The following RBFOX3 variants were observed in gnomAD, a reference collection of about 807,000 sequenced individuals.
RBFOX3 encodes the protein RNA binding protein fox-1 homolog 3.
Under a neutral mutation model 48.7 loss-of-function variants are expected in RBFOX3, and 17 were observed. That is an observed-to-expected ratio of 0.35 (90% confidence interval 0.24 to 0.52). The LOEUF (loss-of-function observed/expected upper bound fraction) is 0.52, where lower values mean the gene tolerates loss of function less well. Ranked by LOEUF, RBFOX3 falls within the 20% of genes least tolerant of loss-of-function variation. The probability of loss-of-function intolerance (pLI) is 0.94; values close to 1 mark genes in which losing one functional copy is unlikely to be tolerated. For missense variants in RBFOX3, 382 were observed against 497.5 expected (o/e 0.77, Z 2.21); for synonymous variants, 212 against 209.5 (o/e 1.01, Z -0.10).
chr17:79,348,314 A>T (rs1260628979), intron 2 of RBFOX3, among the ~76,000 whole-genome samples: 1 of 152,198 alleles, frequency 6.6e-6, no homozygotes, highest in Non-Finnish European at 1.5e-5. Flanking sequence ...GTCCCAAGGC[A>T]ATAGTGGCTG....
intron 2 of RBFOX3, among the ~76,000 whole-genome samples, chr17:79,435,436 C>A (rs1204651805): frequency 2.0e-5 from 3 of 152,266 alleles, no homozygotes; most frequent in Non-Finnish European, 4.4e-5. Context: ...TGTCCCCATG[C>A]AGGATCTGCC....
At position 79,220,855 on chromosome 17, in the gene RBFOX3, G is replaced by A. The variant is rs989816110; in HGVS notation, c.-34+14911C>T. 1.3e-5 allele frequency among the ~76,000 whole-genome samples: 2 copies of A among 152,032 alleles called. No homozygotes were observed. Among genetic ancestry groups the A allele is most frequent in the African/African-American group, 4.8e-5 (2 of 41,396 alleles). On this transcript the variant is annotated intron_variant, in intron 4 of 14. Coordinates refer to ENST00000693108, the MANE Select transcript of RBFOX3 (RefSeq NM_001350451.2). The surrounding 1 kb of genome is among the most constrained non-coding windows in gnomAD (Gnocchi z 5.9). ...CGGGGCGGCTCTCCAGGCCTGGAGC[G>A]TGGGCCAATCAGAGACGAGGCGCAG... is the stretch of plus-strand genomic sequence containing the variant.
chr17:79,422,459 C>T lies in RBFOX3; in HGVS notation c.-175+59995G>A, dbSNP rs577441106. ...AGCCCAGGGGGTCACCTGCCCGAGC[C>T]GGCTGCTGCCCTCTGTGTTTCACCC... On this transcript the variant is annotated intron_variant, in intron 2 of 14. Coordinates refer to ENST00000693108, the MANE Select transcript of RBFOX3 (RefSeq NM_001350451.2). Among the ~76,000 whole-genome samples the T allele has an allele frequency of 8.5e-5, 13 of 152,200 alleles. No homozygotes were observed. The South Asian group carries it at 2.5e-3, about 29-fold the overall frequency.
At chr17:79,508,597 C>T (rs1483872282) in intron 1 of RBFOX3, among the ~76,000 whole-genome samples, 7 of 152,282 alleles carry the variant, frequency 4.6e-5, no homozygotes, top group East Asian at 1.9e-4. Context: ...TTGGGGTGGG[C>T]GCTCCGGCCC....
chr17:79,612,563 C>T (rs926341624), upstream of RBFOX3, among the ~76,000 whole-genome samples: 8 of 152,214 alleles, frequency 5.3e-5, no homozygotes, highest in Admixed American at 1.3e-4. Context: ...GGCCCTCCAG[C>T]CCGTCTGGGT....
chr17:79,236,981 A>C (rs1462726836), intron 3 of RBFOX3, among the ~76,000 whole-genome samples: 1 of 152,162 alleles, frequency 6.6e-6, no homozygotes, highest in Non-Finnish European at 1.5e-5. Flanking sequence ...ATAATATACA[A>C]TTTACAATTT....
intron 2 of RBFOX3, among the ~76,000 whole-genome samples, chr17:79,360,043 TTTA>T (rs200924133): frequency 0.014 from 1,267 of 90,198 alleles, 19 homozygotes; most frequent in African/African-American, 0.051. Flanking sequence ...TTGATGTTTC[TTTA>T]TTTTTTTTTT....
chr17:79,473,415 A>G lies in RBFOX3; in HGVS notation c.-175+9039T>C, dbSNP rs1300557488. ...TGTGAGGATTCACGATGATTCATAT[A>G]TATTTTGGGACGAGAACCTCGGGTA... On this transcript the variant is annotated intron_variant, in intron 2 of 14. Transcript: ENST00000693108. The surrounding 1 kb of genome is among the most constrained non-coding windows in gnomAD (Gnocchi z 4.2). 1.3e-5 allele frequency among the ~76,000 whole-genome samples: 2 copies of G among 152,218 alleles called. No individual in the cohort carries two copies. The highest frequency in any genetic ancestry group is 3.8e-4 in the East Asian group (2 of 5,206).
chr17:79,509,297 G>A (rs1284062111), intron 1 of RBFOX3, among the ~76,000 whole-genome samples: 3 of 152,098 alleles, frequency 2.0e-5, no homozygotes, highest in African/African-American at 2.4e-5. Context: ...TCTCTAGGAC[G>A]CTGGAGCTAC....
At chr17:79,344,231 T>TA (rs1555679533) in intron 2 of RBFOX3, among the ~76,000 whole-genome samples, 1 of 152,050 alleles carries the variant, frequency 6.6e-6, no homozygotes, top group African/African-American at 2.4e-5. Flanking sequence ...AGACCTAAAG[T>TA]AAAAAATGCA....
rs1174968841 is a variant in RBFOX3, at chr17:79,473,863, TAA to T, written c.-175+8589_-175+8590del. Among the ~76,000 whole-genome samples the T allele has an allele frequency of 6.6e-6, 1 of 152,082 alleles. No homozygotes were observed. Among genetic ancestry groups the T allele is most frequent in the Admixed American group, 6.6e-5 (1 of 15,256 alleles). On this transcript the variant is annotated intron_variant, in intron 2 of 14. Transcript: ENST00000693108. This position sits in a 1 kb window ranked among gnomAD's most constrained non-coding sequence, Gnocchi z 4.2. Reference sequence around the variant, plus strand: ...ACTCACACACACACACACGCAGAACTAAAGTTAGGCTTGCCTTGACCTCTACT... The same window carrying T: ...ACTCACACACACACACACGCAGAACTAGTTAGGCTTGCCTTGACCTCTACT...
chr17:79,613,496 A>T (rs972002928), upstream of RBFOX3, among the ~76,000 whole-genome samples: 47 of 152,332 alleles, frequency 3.1e-4, 1 homozygote, highest in East Asian at 6.9e-3. Flanking sequence ...GAGAATTTTT[A>T]AAACCTCTGA....
At chr17:79,375,096 G>A (rs951342169) in intron 2 of RBFOX3, among the ~76,000 whole-genome samples, 1 of 152,150 alleles carries the variant, frequency 6.6e-6, no homozygotes, top group African/African-American at 2.4e-5. Flanking sequence ...GCCATTGAAT[G>A]ACACCCTGTG....
At chr17:79,217,899 C>T (rs372579470) in intron 4 of RBFOX3, among the ~76,000 whole-genome samples, 16 of 151,870 alleles carry the variant, frequency 1.1e-4, no homozygotes, top group African/African-American at 3.6e-4. Flanking sequence ...GAAGGAGGTG[C>T]GGGGTGAGGT....
At chr17:79,416,104 C>A (rs527325938) in intron 2 of RBFOX3, among the ~76,000 whole-genome samples, 1 of 152,212 alleles carries the variant, frequency 6.6e-6, no homozygotes, top group African/African-American at 2.4e-5. Context: ...TTCCAGCACC[C>A]CCAGGCAGGG....
rs555672468 is a variant in RBFOX3 at position 79,254,018 on chromosome 17, C to A, written c.-73-18213G>T. ...TCTTCCCCCACGCAGCCTCTGAGGGCGGGTATGGGAGGGAGCCTTCTCCCC... is the reference window on the plus strand; with the variant it reads ...TCTTCCCCCACGCAGCCTCTGAGGGAGGGTATGGGAGGGAGCCTTCTCCCC... On this transcript the variant is annotated intron_variant, in intron 3 of 14. Coordinates refer to ENST00000693108, the MANE Select transcript of RBFOX3 (RefSeq NM_001350451.2). The surrounding 1 kb of genome is among the most constrained non-coding windows in gnomAD (Gnocchi z 4.8). Among the ~76,000 whole-genome samples the A allele has an allele frequency of 6.6e-6, 1 of 151,976 alleles. No individual in the cohort carries two copies. The highest frequency in any genetic ancestry group is 2.1e-4 in the South Asian group (1 of 4,804).
At position 79,359,923 on chromosome 17, in the gene RBFOX3, G is replaced by C. The variant is rs936897717; in HGVS notation, c.-174-52099C>G. 4.6e-5 allele frequency among the ~76,000 whole-genome samples: 7 copies of C among 152,132 alleles called. No homozygotes were observed. In the East Asian group the frequency reaches 1.4e-3, roughly 30 times the overall value. On this transcript the variant is annotated intron_variant, in intron 2 of 14. Transcript: ENST00000693108. ...GTATTATTTGTAGACAGGGGGTCTG[G>C]CTCTGTTGCCCAGGCTGATCTCGAA...
chr17:79,473,350 C>G lies in RBFOX3; in HGVS notation c.-175+9104G>C, dbSNP rs2077282459. On this transcript the variant is annotated intron_variant, in intron 2 of 14. Coordinates refer to ENST00000693108, the MANE Select transcript of RBFOX3 (RefSeq NM_001350451.2). This position sits in a 1 kb window ranked among gnomAD's most constrained non-coding sequence, Gnocchi z 4.2. Reference sequence around the variant, plus strand: ...GTATGGCCCTGGGTTGGTCATTTATCTGCAGCTCAGCTTCCTCACAGAGCC... The same window carrying G: ...GTATGGCCCTGGGTTGGTCATTTATGTGCAGCTCAGCTTCCTCACAGAGCC... Among the ~76,000 whole-genome samples the G allele has an allele frequency of 1.3e-5, 2 of 152,328 alleles. No homozygotes were observed. The highest frequency in any genetic ancestry group is 4.8e-5 in the African/African-American group (2 of 41,566).
At chr17:79,371,733 T>C (rs995322615) in intron 2 of RBFOX3, among the ~76,000 whole-genome samples, 10 of 152,086 alleles carry the variant, frequency 6.6e-5, no homozygotes, top group African/African-American at 2.2e-4. Flanking sequence ...GTGTTAAAGA[T>C]GGCAGATCCT....
Sources: gnomAD v4.1 joint callset for allele counts (sites outside exome capture counted in the v4.1 genomes callset) on GRCh38, gnomAD v4.1.1 for gene constraint, Gnocchi (gnomAD v3.1) non-coding constraint, MANE v1.5 for transcripts, NCBI Gene and HGNC (gene_info 2026-07-23, HGNC 2026-07-21) for gene names.